Variants in ROBO2 observed in about 807,000 individuals in gnomAD.
ROBO2 encodes roundabout guidance receptor 2, also known as roundabout homolog 2.
A neutral mutation model predicts 160.8 loss-of-function variants in ROBO2; 53 were observed. The observed-to-expected ratio is 0.33, with a 90% confidence interval of 0.26 to 0.41. The LOEUF (loss-of-function observed/expected upper bound fraction) is 0.41, where lower values mean the gene tolerates loss of function less well. ROBO2 is among the 10% of genes least tolerant of loss of function. The probability of loss-of-function intolerance (pLI) is 1.00; values close to 1 mark genes in which losing one functional copy is unlikely to be tolerated. For synonymous variants in ROBO2, 664 were observed against 611.7 expected, an observed-to-expected ratio of 1.09 and a Z score of -1.26; for missense variants, 1,577 against 1,722.4, an observed-to-expected ratio of 0.92 and a Z score of 1.49.
rs531783401 is a variant in ROBO2 at position 76,979,041 on chromosome 3, G to C, written c.110-118973G>C. ...CACTGTAGACTCAACATCTTGAGCT[G>C]AAATGATCCCCCCATCTCAGCTTCC... On this transcript the variant is annotated intron_variant, in intron 2 of 26. Coordinates refer to the ROBO2 transcript ENST00000487694. Among the ~76,000 whole-genome samples the C allele has an allele frequency of 1.1e-4, 16 of 152,040 alleles. No individual in the cohort carries two copies. The South Asian group carries it at 3.3e-3, about 32-fold the overall frequency.
chr3:77,192,344 G>A (rs1255099557), intron 2 of ROBO2, among the ~76,000 whole-genome samples: 3 of 151,902 alleles, frequency 2.0e-5, no homozygotes, highest in African/African-American at 4.8e-5. Context: ...CATAAAGTCC[G>A]TGGGTCATAC....
chr3:76,152,194 G>T (rs1399158716), intron 2 of ROBO2, among the ~76,000 whole-genome samples: 3 of 152,222 alleles, frequency 2.0e-5, no homozygotes, highest in Non-Finnish European at 2.9e-5. Context: ...AAGCCATCAG[G>T]CTATCTCCCT....
chr3:76,489,156 T>G (rs1423994377), intron 2 of ROBO2, among the ~76,000 whole-genome samples: 1 of 144,592 alleles, frequency 6.9e-6, no homozygotes, highest in Admixed American at 6.8e-5. Context: ...TTTTTTTTGT[T>G]TTTTTTTTTG....
intron 1 of ROBO2, among the ~76,000 whole-genome samples, chr3:77,050,599 T>C (rs145158811): frequency 0.019 from 2,929 of 152,052 alleles, 79 homozygotes; most frequent in African/African-American, 0.064. Context: ...TTGGTTTTTT[T>C]TCCCCATGCA....
At chr3:77,544,522 A>C (rs539656082) in intron 6 of ROBO2, among the ~76,000 whole-genome samples, 1 of 152,136 alleles carries the variant, frequency 6.6e-6, no homozygotes, top group Non-Finnish European at 1.5e-5. Flanking sequence ...ACACCAAAAA[A>C]TAAGTCAATA....
rs541066068 is a variant in ROBO2 at position 77,285,962 on chromosome 3, G to A, written c.388+187622G>A. ...CTATATAAAACCAAAAAGTATAAAA[G>A]CTATGAAGAGAAAATCAAGTCTCTA... On this transcript the variant is annotated intron_variant, in intron 2 of 25. Coordinates refer to ENST00000461745, the Ensembl canonical transcript of ROBO2. 1.2e-4 allele frequency among the ~76,000 whole-genome samples: 19 copies of A among 152,044 alleles called. No homozygotes were observed. The East Asian group carries it at 3.1e-3, about 25-fold the overall frequency.
At chr3:76,079,237 AT>A (rs1231622664) in intron 2 of ROBO2, among the ~76,000 whole-genome samples, 1 of 152,214 alleles carries the variant, frequency 6.6e-6, no homozygotes, top group African/African-American at 2.4e-5. Flanking sequence ...CATTATCACA[AT>A]AAGGTAACCA....
chr3:76,366,319 A>G (rs917329486), intron 2 of ROBO2, among the ~76,000 whole-genome samples: 1 of 151,964 alleles, frequency 6.6e-6, no homozygotes, highest in Non-Finnish European at 1.5e-5. Flanking sequence ...GGCACACTGC[A>G]TTTCATTTAT....
intron 12 of ROBO2, among the ~76,000 whole-genome samples, chr3:77,567,494 G>A (rs998202723): frequency 6.6e-6 from 1 of 151,664 alleles, no homozygotes; most frequent in Non-Finnish European, 1.5e-5. Flanking sequence ...ACCATCATAT[G>A]GAGAAATAGA....
intron 2 of ROBO2, among the ~76,000 whole-genome samples, chr3:76,807,437 C>G (rs953551782): frequency 6.6e-6 from 1 of 151,924 alleles, no homozygotes; most frequent in Admixed American, 6.6e-5. Flanking sequence ...ATTGGCAGAC[C>G]AAGATGTAGA....
chr3:76,701,118 A>G (rs1018337929), intron 2 of ROBO2, among the ~76,000 whole-genome samples: 3 of 152,084 alleles, frequency 2.0e-5, no homozygotes, highest in Non-Finnish European at 2.9e-5. Flanking sequence ...AGAATAAAAA[A>G]TGCCCGCTTT....
chr3:77,417,714 G>A (rs1254242077), intron 2 of ROBO2, among the ~76,000 whole-genome samples: 1 of 152,068 alleles, frequency 6.6e-6, no homozygotes, highest in Non-Finnish European at 1.5e-5. Context: ...GAAATGCTAT[G>A]ATGTTTTCTC....
chr3:77,311,825 G>A (rs2063567537), intron 2 of ROBO2, among the ~76,000 whole-genome samples: 1 of 152,140 alleles, frequency 6.6e-6, no homozygotes, highest in Admixed American at 6.5e-5. Context: ...AGTGGGTCAC[G>A]CCTGTAATCC....
chr3:76,028,389 T>G (rs1188100110), intron 2 of ROBO2, among the ~76,000 whole-genome samples: 2 of 151,930 alleles, frequency 1.3e-5, no homozygotes, highest in African/African-American at 4.8e-5. Context: ...TATAACCTTT[T>G]TAGTAGTTAT....
At chr3:77,191,210 G>T (rs998675833) in intron 2 of ROBO2, among the ~76,000 whole-genome samples, 1 of 152,042 alleles carries the variant, frequency 6.6e-6, no homozygotes, top group East Asian at 1.9e-4. Context: ...CAGACATTTT[G>T]CTTCGAGTAT....
intron 2 of ROBO2, among the ~76,000 whole-genome samples, chr3:76,481,544 T>A (rs939720768): frequency 2.0e-5 from 3 of 152,120 alleles, no homozygotes; most frequent in African/African-American, 7.2e-5. Flanking sequence ...ATGAGGACAA[T>A]ATGAATGAAT....
At chr3:76,352,241 A>T (rs2074920373) in intron 2 of ROBO2, among the ~76,000 whole-genome samples, 1 of 151,968 alleles carries the variant, frequency 6.6e-6, no homozygotes, top group African/African-American at 2.4e-5. Flanking sequence ...AATTAAAGAA[A>T]TGGCTGAGCA....
At chr3:76,151,283 T>C (rs2072188759) in intron 2 of ROBO2, among the ~76,000 whole-genome samples, 1 of 152,142 alleles carries the variant, frequency 6.6e-6, no homozygotes, top group South Asian at 2.1e-4. Context: ...TATCTCTCTC[T>C]CTTTCCCCAC....
intron 1 of ROBO2, among the ~76,000 whole-genome samples, chr3:77,077,167 T>C (rs1374731826): frequency 6.6e-6 from 1 of 152,218 alleles, no homozygotes; most frequent in East Asian, 1.9e-4. Flanking sequence ...TGTGCATCTA[T>C]ACAAGCTTTT....
Sources: gnomAD v4.1 joint callset for allele counts (sites outside exome capture counted in the v4.1 genomes callset) on GRCh38, gnomAD v4.1.1 for gene constraint, MANE v1.5 for transcripts, NCBI Gene and HGNC (gene_info 2026-07-23, HGNC 2026-07-21) for gene names.